The following GAB3 variants were observed in gnomAD, a reference collection of about 807,000 sequenced individuals.
GAB3 encodes the protein GRB2 associated binding protein 3.
GAB3 carries 12 observed loss-of-function variants against 40.4 expected under a neutral mutation model. That is an observed-to-expected ratio of 0.30 (90% CI 0.19 to 0.48). The LOEUF (loss-of-function observed/expected upper bound fraction) is 0.48, where lower values mean the gene tolerates loss of function less well. Among genes scored for constraint, GAB3 ranks in the 20% least tolerant of loss-of-function variants. GAB3 has a pLI of 0.99. For missense variants in GAB3, 381 were observed against 461.9 expected, an observed-to-expected ratio of 0.82 and a Z score of 1.61; for synonymous variants, 154 against 176.7, an observed-to-expected ratio of 0.87 and a Z score of 1.02.
chrX:154,714,763 C>T (rs1402878354), intron 2 of GAB3, among the ~76,000 whole-genome samples: 1 of 112,228 alleles, frequency 8.9e-6, no homozygotes, highest in African/African-American at 3.2e-5. Flanking sequence ...ATATATAACA[C>T]AGTATACGAC....
At chrX:154,751,349 G>A (rs1423581290), upstream of GAB3, 1 of 148,314 alleles carries the variant, frequency 6.7e-6, no homozygotes, top group Non-Finnish European at 1.1e-5. Flanking sequence ...CCAGGGTCAC[G>A]AGAAAGCGCT....
At chrX:154,749,043 C>T (rs1557262376) in intron 1 of GAB3, among the ~76,000 whole-genome samples, 1 of 111,860 alleles carries the variant, frequency 8.9e-6, no homozygotes, top group African/African-American at 3.3e-5. Context: ...AGAGACAGTT[C>T]CCAAACATCA....
intron 8 of GAB3, among the ~76,000 whole-genome samples, chrX:154,690,015 T>C (rs1357573048): frequency 4.5e-5 from 5 of 110,946 alleles, no homozygotes; most frequent in Non-Finnish European, 3.8e-5. Flanking sequence ...GACTTCAAAC[T>C]GTACTACAAA....
chrX:154,704,035 T>G (rs1313771571), intron 4 of GAB3, among the ~76,000 whole-genome samples: 1 of 111,755 alleles, frequency 8.9e-6, no homozygotes, highest in East Asian at 2.8e-4. Flanking sequence ...GTGGTACATA[T>G]ATACGATAGA....
intron 1 of GAB3, among the ~76,000 whole-genome samples, chrX:154,719,486 C>T (rs1021129794): frequency 1.8e-5 from 2 of 111,850 alleles, no homozygotes; most frequent in African/African-American, 6.5e-5. Context: ...GAGGAAGCAG[C>T]GTGCACAAAG....
At chrX:154,712,108 A>T in intron 4 of GAB3, 121 bp downstream of exon 4, 1 of 497,253 alleles carries the variant, frequency 2.0e-6, no homozygotes, top group Non-Finnish European at 3.4e-6. Context: ...AGCTGCACAC[A>T]TCAAGGTAAT....
intron 8 of GAB3, among the ~76,000 whole-genome samples, chrX:154,694,876 CTAAG>C (rs1379568063): frequency 1.8e-5 from 2 of 112,054 alleles, no homozygotes; most frequent in Non-Finnish European, 3.8e-5. Flanking sequence ...AGGGCCATTA[CTAAG>C]TGTCAGAAAT....
intron 1 of GAB3, among the ~76,000 whole-genome samples, chrX:154,719,523 T>C (rs1440228761): frequency 9.0e-6 from 1 of 111,615 alleles, no homozygotes. Context: ...GCTCAAAACT[T>C]TGCGTAAGTA....
In GAB3 at chrX:154,696,006, A is replaced by G. The variant is rs267606400; in HGVS notation, c.1441T>C (p.Phe481Leu). The change falls in exon 8 of 10, where the codon TTT becomes CTT. Residue 481 changes from phenylalanine (F) to leucine (L), a missense_variant. Around this residue, in one of 2 missense-constraint regions of GAB3, gnomAD observed 364 missense variants for 421.0 expected, o/e 0.86. Transcript: ENST00000424127. ...TRTVPCSRTS[F>L]LSPERNGINS... ...ATACCATTTCTTTCTGGAGAGAGAA[A>G]GCTGGTTCGACTGCTAAGAATAAAA... The G allele has an allele frequency of 2.6e-6, 3 of 1,169,021 alleles. No homozygotes were observed. Among genetic ancestry groups the G allele is most frequent in the South Asian group, 3.7e-5 (2 of 54,552 alleles).
rs782316090 is a variant in GAB3, at chrX:154,713,193, G to C, written c.596+14C>G. The stretch of plus-strand genomic sequence containing the variant: ...GCAGGCCCAGCTCAGACAGAGTCCT[G>C]GGCATAAGCATACCTGGTATGGTGC... On this transcript the variant is annotated intron_variant, in intron 3 of 9. Coordinates refer to ENST00000424127, the MANE Select transcript of GAB3 (RefSeq NM_001081573.3). The C allele has an allele frequency of 1.5e-5, 18 of 1,185,181 alleles. No individual in the cohort carries two copies. The African/African-American group carries it at 3.2e-4, about 21-fold the overall frequency.
intron 1 of GAB3, among the ~76,000 whole-genome samples, chrX:154,737,570 C>T (rs1464448138): frequency 1.8e-5 from 2 of 111,790 alleles, no homozygotes; most frequent in Non-Finnish European, 3.8e-5. Flanking sequence ...GACAAATTTA[C>T]CCACGGTTAC....
chrX:154,724,173 C>A (rs782754349), intron 1 of GAB3, among the ~76,000 whole-genome samples: 7 of 109,682 alleles, frequency 6.4e-5, no homozygotes, highest in African/African-American at 2.0e-4. Flanking sequence ...ATGGTGAAAC[C>A]CCGTCTCTAC....
At chrX:154,689,802 G>A (rs1274720068) in intron 8 of GAB3, among the ~76,000 whole-genome samples, 2 of 105,002 alleles carry the variant, frequency 1.9e-5, no homozygotes, top group Non-Finnish European at 4.0e-5. Flanking sequence ...CCATGCTCAT[G>A]GGTAGGAAGA....
At chrX:154,733,741 T>A (rs1557260205) in intron 1 of GAB3, among the ~76,000 whole-genome samples, 1 of 112,096 alleles carries the variant, frequency 8.9e-6, no homozygotes, top group Non-Finnish European at 1.9e-5. Flanking sequence ...ATACAACATA[T>A]ATCTAGAATT....
intron 4 of GAB3, among the ~76,000 whole-genome samples, chrX:154,702,800 C>T (rs1280171390): frequency 8.9e-6 from 1 of 112,039 alleles, no homozygotes; most frequent in African/African-American, 3.2e-5. Flanking sequence ...ATATGACAAA[C>T]AGGCATATGA....
At chrX:154,717,944 T>C (rs1256308624) in intron 1 of GAB3, among the ~76,000 whole-genome samples, 2 of 111,824 alleles carry the variant, frequency 1.8e-5, no homozygotes, top group Non-Finnish European at 3.8e-5. Context: ...AGTTGGGAAT[T>C]GAGCACAGAG....
intron 4 of GAB3, among the ~76,000 whole-genome samples, chrX:154,709,526 G>C (rs1557255019): frequency 1.8e-5 from 2 of 108,934 alleles, no homozygotes; most frequent in African/African-American, 3.4e-5. Flanking sequence ...CACCATATTG[G>C]CCAGGCTGGT....
chrX:154,714,405 A>G (rs999768068), intron 2 of GAB3, among the ~76,000 whole-genome samples: 3 of 112,154 alleles, frequency 2.7e-5, no homozygotes, highest in African/African-American at 9.7e-5. Flanking sequence ...ATACAAAAGC[A>G]TTTCAACAGA....
At chrX:154,688,789 C>T (rs1350268138) in intron 8 of GAB3, among the ~76,000 whole-genome samples, 2 of 111,530 alleles carry the variant, frequency 1.8e-5, no homozygotes, top group African/African-American at 6.5e-5. Context: ...TACCAATATA[C>T]ATCCATCAGA....
Sources: allele counts gnomAD v4.1 joint callset (sites outside exome capture counted in the v4.1 genomes callset), GRCh38; gene constraint gnomAD v4.1.1; regional missense constraint gnomAD v4.1.1; transcripts MANE v1.5; gene names NCBI Gene and HGNC (gene_info 2026-07-23, HGNC 2026-07-21).